TNFRSF25: variants seen among roughly 807,000 people sequenced by gnomAD.
TNFRSF25 encodes the protein TNF receptor superfamily member 25.
In TNFRSF25, 28 loss-of-function variants were observed where a neutral mutation model predicts 49.4. The ratio of observed to expected loss-of-function variants is 0.57; its 90% CI spans 0.42 to 0.78. The LOEUF (loss-of-function observed/expected upper bound fraction) is 0.78. Among genes scored for constraint, TNFRSF25 ranks in the 30% least tolerant of loss-of-function variants. The probability of loss-of-function intolerance (pLI) is 0.00; values close to 1 mark genes in which losing one functional copy is unlikely to be tolerated. For missense variants in TNFRSF25, 531 were observed against 581.6 expected, an observed-to-expected ratio of 0.91 and a Z score of 0.90; for synonymous variants, 240 against 234.2, an observed-to-expected ratio of 1.02 and a Z score of -0.23.
In TNFRSF25 at chr1:6,462,687, G is replaced by A; in HGVS notation, c.707-21C>T. The stretch of plus-strand genomic sequence containing the variant: ...ATCTGCTGACAGACACAGAGAGATT[G>A]CGGTCAGCCACCAGGCAAGCCTCCT... On this transcript the variant is annotated intron_variant, in intron 7 of 9. Transcript: ENST00000356876. This position sits in a 1 kb window ranked among gnomAD's most constrained non-coding sequence, Gnocchi z 4.2. The A allele has an allele frequency of 2.5e-6, 4 of 1,612,836 alleles. No individual in the cohort carries two copies. The highest frequency in any genetic ancestry group is 1.7e-4 in the Middle Eastern group (1 of 6,048).
intron 1 of TNFRSF25, chr1:6,465,848 A>T (rs563362287): frequency 7.0e-7 from 1 of 1,423,072 alleles, no homozygotes; most frequent in Non-Finnish European, 9.1e-7. Context: ...TGGGGGAGGG[A>T]CACTGATAAT....
Position 6,461,702 on chromosome 1 carries a change from A to T in TNFRSF25, c.986T>A (p.Leu329Gln). 6.4e-7 allele frequency: 1 copy of T among 1,572,420 alleles called. No homozygotes were observed. The highest frequency in any genetic ancestry group is 8.6e-7 in the Non-Finnish European group (1 of 1,165,752). Reference protein sequence around the residue: ...ESPAGSPAMMLQPGPQLYDVM... With the variant: ...ESPAGSPAMMQQPGPQLYDVM... ...GTCGTAGAGCTGCGGGCCCGGCTGC[A>T]GCATCATGGCTGGCGAGCCGGCTGG... is the stretch of plus-strand genomic sequence containing the variant. Residue 329 changes from leucine (L) to glutamine (Q), a missense_variant, in exon 10 of 10, where the codon CTG becomes CAG. Coordinates refer to ENST00000356876, the MANE Select transcript of TNFRSF25 (RefSeq NM_003790.3). The surrounding 1 kb of genome is among the most constrained non-coding windows in gnomAD (Gnocchi z 6.3).
At chr1:6,465,820 C>T in intron 1 of TNFRSF25, 2 of 1,424,270 alleles carry the variant, frequency 1.4e-6, no homozygotes, top group South Asian at 3.1e-5. Flanking sequence ...CGCCCCCACC[C>T]CCACCCATGC....
intron 5 of TNFRSF25, 80 bp downstream of exon 5, chr1:6,464,295 C>T: frequency 6.5e-7 from 1 of 1,548,352 alleles, no homozygotes; most frequent in Non-Finnish European, 8.7e-7. Context: ...TATTCCTGAA[C>T]CAGCAGCACC....
chr1:6,462,941 G>T lies in TNFRSF25; in HGVS notation c.628C>A (p.Leu210Ile). Residue 210 changes from leucine (L) to isoleucine (I), a missense_variant, in exon 7 of 10, where the codon CTT (leucine) becomes ATT (isoleucine). Physicochemically the swap from Leu to Ile is conservative, Grantham distance 5 (BLOSUM62 2). Transcript: ENST00000356876. The surrounding 1 kb of genome is among the most constrained non-coding windows in gnomAD (Gnocchi z 4.2). ...MFWVQVLLAG[L>I]VVPLLLGATL... ...GCCCCAAGCAGGAGGGGGACCACAA[G>T]GCCAGCCAGGAGCACCTGGACCCAG... 6.2e-7 allele frequency: 1 copy of T among 1,602,460 alleles called. No homozygotes were observed. The highest frequency in any genetic ancestry group is 1.1e-5 in the South Asian group (1 of 89,070).
intron 5 of TNFRSF25, chr1:6,464,092 C>T: frequency 7.7e-7 from 1 of 1,299,436 alleles, no homozygotes; most frequent in Non-Finnish European, 9.8e-7. Flanking sequence ...CAATGTGACT[C>T]TCTGTGTAAG....
In TNFRSF25 at chr1:6,463,110, C is replaced by T. The variant is rs1305606159; in HGVS notation, c.560G>A (p.Cys187Tyr). 1.3e-6 allele frequency: 2 copies of T among 1,551,666 alleles called. No individual in the cohort carries two copies. The highest frequency in any genetic ancestry group is 1.2e-5 in the South Asian group (1 of 84,062). The change falls in exon 6 of 10, where the codon TGT (cysteine) becomes TAT (tyrosine). Residue 187 changes from cysteine (C) to tyrosine (Y), a missense_variant. Coordinates refer to ENST00000356876, the MANE Select transcript of TNFRSF25 (RefSeq NM_003790.3). ...ACAGACAGCGGCACAGCGCTCTGGA[C>T]AGCTCCCCAGGGTGCTCCTGCAAGG... is the stretch of plus-strand genomic sequence containing the variant. Reference protein sequence around the residue: ...VSCPTSTLGSCPERCAAVCGW... With the variant: ...VSCPTSTLGSYPERCAAVCGW...
chr1:6,463,435 C>T (rs1318419562), intron 5 of TNFRSF25: 1 of 430,586 alleles, frequency 2.3e-6, no homozygotes, highest in Non-Finnish European at 4.1e-6. Context: ...TCAATAAAGA[C>T]TTGAATGGAG....
chr1:6,461,544 A>G lies in TNFRSF25; in HGVS notation c.1144T>C (p.Trp382Arg). 1 of 1,608,936 alleles carries G rather than the reference A, an allele frequency of 6.2e-7. No homozygotes were observed. Among genetic ancestry groups the G allele is most frequent in the Non-Finnish European group, 8.5e-7 (1 of 1,179,102 alleles). Residue 382 changes from tryptophan (W) to arginine (R), a missense_variant, in exon 10 of 10, where the codon TGG becomes CGG. Trp to Arg is a moderately radical substitution (Grantham distance 101, BLOSUM62 -3). Coordinates refer to ENST00000356876, the MANE Select transcript of TNFRSF25 (RefSeq NM_003790.3). This position sits in a 1 kb window ranked among gnomAD's most constrained non-coding sequence, Gnocchi z 6.3. ...RDQQYEMLKR[W>R]RQQQPAGLGA... is the part of the protein sequence containing the mutation. ...AGGCCCGCGGGCTGCTGCTGGCGCC[A>G]GCGCTTGAGCATCTCGTACTGCTGG...
In TNFRSF25 at chr1:6,462,643, G is replaced by T. The variant is rs998308007; in HGVS notation, c.730C>A (p.Leu244Met). ...VTADEAGMEA[L>M]TPPPATHLSP... ...GAGGTTCTTACCGGTGGTGGGGTCA[G>T]AGCCTCCATCCCAGCTTCATCTGCT... is the stretch of plus-strand genomic sequence containing the variant. Residue 244 changes from leucine (L) to methionine (M), a missense_variant, in exon 8 of 10, where the codon CTG becomes ATG. Leu to Met is a conservative substitution (Grantham distance 15). Coordinates refer to ENST00000356876, the MANE Select transcript of TNFRSF25 (RefSeq NM_003790.3). The surrounding 1 kb of genome is among the most constrained non-coding windows in gnomAD (Gnocchi z 4.2). 7.4e-6 allele frequency: 12 copies of T among 1,613,574 alleles called. No individual in the cohort carries two copies. The highest frequency in any genetic ancestry group is 1.0e-5 in the Non-Finnish European group (12 of 1,179,792).
chr1:6,465,494 C>T lies in TNFRSF25; in HGVS notation c.106G>A (p.Ala36Thr). ...GGTRSPRCDC[A>T]GDFHKKIGLF... ...CCAATCTTCTTGTGGAAGTCACCGG[C>T]ACAGTCACACCTGGGGCTACGAGTG... Residue 36 changes from alanine (A) to threonine (T), a missense_variant, in exon 2 of 10, where the codon GCC (alanine) becomes ACC (threonine). Transcript: ENST00000356876. 1 of 1,613,970 alleles carries T rather than the reference C, an allele frequency of 6.2e-7. No individual in the cohort carries two copies. Among genetic ancestry groups the T allele is most frequent in the Non-Finnish European group, 8.5e-7 (1 of 1,179,994 alleles).
At chr1:6,463,650 C>T (rs1394848380) in intron 5 of TNFRSF25, 1 of 146,620 alleles carries the variant, frequency 6.8e-6, no homozygotes. Flanking sequence ...CACTTGAACC[C>T]AGGCAGCAGA....
Position 6,462,025 on chromosome 1 carries a change from C to T in TNFRSF25, c.894G>A (p.Trp298Ter). The part of the protein sequence containing the change: ...TQEALCPQVT[W>*]SWDQLPSRAL... ...CTCTGCTGGGCAACTGGTCCCAGGA[C>T]CATGTCACCTGCGGGCAGAGCGCCT... Residue 298 changes from tryptophan to a stop codon, truncating the protein, a stop_gained, in exon 9 of 10, where the codon TGG becomes TGA. Transcript: ENST00000356876. LOFTEE classifies it low-confidence loss of function (END_TRUNC). This position sits in a 1 kb window ranked among gnomAD's most constrained non-coding sequence, Gnocchi z 4.2. 1 of 1,612,616 alleles carries T rather than the reference C, an allele frequency of 6.2e-7. No homozygotes were observed. Among genetic ancestry groups the T allele is most frequent in the Non-Finnish European group, 8.5e-7 (1 of 1,179,648 alleles).
chr1:6,462,274 A>G lies in TNFRSF25; in HGVS notation c.745-100T>C. ...GGGGACAGTCCCTGGTTCAGTCAGC[A>G]GACACCCCCGCAATGACACCTCCCA... On this transcript the variant is annotated intron_variant, in intron 8 of 9. Coordinates refer to ENST00000356876, the MANE Select transcript of TNFRSF25 (RefSeq NM_003790.3). The surrounding 1 kb of genome is among the most constrained non-coding windows in gnomAD (Gnocchi z 4.2). 2.1e-6 allele frequency: 3 copies of G among 1,439,916 alleles called. No homozygotes were observed. Among genetic ancestry groups the G allele is most frequent in the Non-Finnish European group, 2.8e-6 (3 of 1,074,948 alleles). The allele number at this position is 1,439,916 out of a possible 1,614,324, so 89.2% of individuals were successfully genotyped here. A position where few individuals can be genotyped will look rare whatever the true frequency, so the allele number is the denominator to read the frequency against.
chr1:6,462,219 A>C lies in TNFRSF25; in HGVS notation c.745-45T>G. ...CCAGGTCAGCCCTGCTTGCCAAGTA[A>C]GGCCCCTTACCCGCAGTGCCTCTCC... On this transcript the variant is annotated intron_variant, in intron 8 of 9. Transcript: ENST00000356876. This position sits in a 1 kb window ranked among gnomAD's most constrained non-coding sequence, Gnocchi z 4.2. The C allele has an allele frequency of 1.3e-6, 2 of 1,560,520 alleles. No homozygotes were observed. Among genetic ancestry groups the C allele is most frequent in the Non-Finnish European group, 1.7e-6 (2 of 1,153,422 alleles).
intron 1 of TNFRSF25, chr1:6,465,768 C>A: frequency 7.0e-7 from 1 of 1,428,356 alleles, no homozygotes; most frequent in Non-Finnish European, 9.1e-7. Flanking sequence ...CGCTTACCAG[C>A]CCCTCACAAG....
rs1266123691 is a variant in TNFRSF25 at position 6,463,088 on chromosome 1, G to C, written c.582C>G (p.Val194=). 4 of 1,551,904 alleles carry C rather than the reference G, an allele frequency of 2.6e-6. No homozygotes were observed. Among genetic ancestry groups the C allele is most frequent in the Non-Finnish European group, 3.5e-6 (4 of 1,147,104 alleles). The change falls in exon 6 of 10, where the codon GTC becomes GTG. Residue 194 remains valine (V), a synonymous_variant. Transcript: ENST00000356876. ...ACCACCTACTCTGCCTCCAGCCACA[G>C]ACAGCGGCACAGCGCTCTGGACAGC... ...LGSCPERCAA[V]CGWRQMFWVQ...
rs1644205353 is a variant in TNFRSF25, at chr1:6,462,449, G to A, written c.744+180C>T. 8 of 1,424,200 alleles carry A rather than the reference G, an allele frequency of 5.6e-6. No homozygotes were observed. The highest frequency in any genetic ancestry group is 7.4e-6 in the Non-Finnish European group (8 of 1,075,304). The allele number at this position is 1,424,200 out of a possible 1,614,324, so 88.2% of individuals were successfully genotyped here. On this transcript the variant is annotated intron_variant, in intron 8 of 9. Transcript: ENST00000356876. The surrounding 1 kb of genome is among the most constrained non-coding windows in gnomAD (Gnocchi z 4.2). ...CTGTGTACGAATCTGAACTCCAGCT[G>A]ACTGAGCACCCCTTGAGGGCAGGCA... is the stretch of plus-strand genomic sequence containing the variant.
At position 6,462,891 on chromosome 1, in the gene TNFRSF25, G is replaced by A. The variant is rs1440598311; in HGVS notation, c.678C>T (p.His226=). ...TAACCAGGGGCTTGTGAGGCCAGCA[G>A]TGGCGGTATGTGTAGGTCAGGGTGG... is the stretch of plus-strand genomic sequence containing the variant. The part of the protein sequence containing the change: ...LGATLTYTYR[H]CWPHKPLVTA... Residue 226 remains histidine (H), a synonymous_variant, in exon 7 of 10, where the codon CAC becomes CAT. Coordinates refer to ENST00000356876, the MANE Select transcript of TNFRSF25 (RefSeq NM_003790.3). This position sits in a 1 kb window ranked among gnomAD's most constrained non-coding sequence, Gnocchi z 4.2. 1 of 1,608,168 alleles carries A rather than the reference G, an allele frequency of 6.2e-7. No homozygotes were observed. The highest frequency in any genetic ancestry group is 8.5e-7 in the Non-Finnish European group (1 of 1,177,284).
Sources: allele counts gnomAD v4.1 joint callset, GRCh38; gene constraint gnomAD v4.1.1; non-coding constraint Gnocchi (gnomAD v3.1); transcripts MANE v1.5; gene names NCBI Gene and HGNC (gene_info 2026-07-23, HGNC 2026-07-21).